Variants in NFATC1 observed in about 807,000 individuals in gnomAD.
NFATC1 encodes the protein nuclear factor of activated T cells 1, also known as nuclear factor of activated T-cells, cytoplasmic 1.
Under a neutral mutation model 76.0 loss-of-function variants are expected in NFATC1, and 22 were observed. The ratio of observed to expected loss-of-function variants is 0.29; its 90% confidence interval spans 0.21 to 0.41. The LOEUF (loss-of-function observed/expected upper bound fraction) is 0.41, where lower values mean the gene tolerates loss of function less well. NFATC1 is among the 10% of genes least tolerant of loss of function. The pLI is 1.00. For missense variants in NFATC1, 1,357 were observed against 1,337.7 expected, an observed-to-expected ratio of 1.01 and a Z score of -0.23; for synonymous variants, 704 against 613.1, an observed-to-expected ratio of 1.15 and a Z score of -2.19.
At chr18:79,438,799 C>T (rs1331430249) in intron 3 of NFATC1, among the ~76,000 whole-genome samples, 1 of 152,204 alleles carries the variant, frequency 6.6e-6, no homozygotes, top group Admixed American at 6.5e-5. Flanking sequence ...ACCCCAAGCT[C>T]AGGACGCAGG....
At chr18:79,496,345 T>C (rs916717836) in intron 9 of NFATC1, 3 of 152,300 alleles carry the variant, frequency 2.0e-5, no homozygotes, top group Non-Finnish European at 2.9e-5. Context: ...CGTGAAGCCA[T>C]GAGCGAGGTA....
chr18:79,447,124 A>G (rs3786194), intron 3 of NFATC1, among the ~76,000 whole-genome samples: 19,651 of 152,098 alleles, frequency 0.13, 1,451 homozygotes, highest in East Asian at 0.22. Flanking sequence ...GAGTTCAGCC[A>G]CCGGTGAGAT....
rs1002595653 is a variant in NFATC1 at position 79,416,077 on chromosome 18, A to T, written c.1226+4576A>T. On this transcript the variant is annotated intron_variant, in intron 2 of 9. Coordinates refer to ENST00000427363, the MANE Select transcript of NFATC1 (RefSeq NM_001278669.2). ...GACTCCGTCTCCAAACAAACAAAAAAACCCTGTTTATTTCAGACATTAAGT... is the reference window on the plus strand; with the variant it reads ...GACTCCGTCTCCAAACAAACAAAAATACCCTGTTTATTTCAGACATTAAGT... 8.4e-4 allele frequency among the ~76,000 whole-genome samples: 128 copies of T among 152,230 alleles called. 1 individual carries two copies. Among genetic ancestry groups the T allele is most frequent in the Middle Eastern group, 3.2e-3 (1 of 316 alleles).
chr18:79,516,008 T>TG (rs535711638), intron 9 of NFATC1: 32 of 150,942 alleles, frequency 2.1e-4, no homozygotes, highest in Admixed American at 1.5e-3. Flanking sequence ...GCCGTCTCGG[T>TG]GGGGGGCGGA....
At chr18:79,474,421 C>T (rs963686542) in intron 8 of NFATC1, among the ~76,000 whole-genome samples, 4 of 145,088 alleles carry the variant, frequency 2.8e-5, no homozygotes, top group Non-Finnish European at 6.0e-5. Flanking sequence ...CTCTCACTGT[C>T]AACTTTGCAA....
chr18:79,447,654 G>C (rs1488741067), intron 3 of NFATC1, among the ~76,000 whole-genome samples: 1 of 152,210 alleles, frequency 6.6e-6, no homozygotes, highest in Non-Finnish European at 1.5e-5. Flanking sequence ...GGGGCCCTGT[G>C]GGAGGCCCCA....
chr18:79,458,620 C>G (rs1338843588), intron 6 of NFATC1, among the ~76,000 whole-genome samples: 2 of 152,250 alleles, frequency 1.3e-5, no homozygotes. Context: ...ATTTTTACTC[C>G]TGCACTCGGG....
At chr18:79,461,087 C>T (rs1028065057) in intron 6 of NFATC1, among the ~76,000 whole-genome samples, 1 of 152,264 alleles carries the variant, frequency 6.6e-6, no homozygotes, top group Non-Finnish European at 1.5e-5. Flanking sequence ...TCCTCAGCTT[C>T]TCCAGGCTCC....
Position 79,451,761 on chromosome 18 carries a change from G to T in NFATC1, c.1848G>T (p.Leu616=), listed in dbSNP as rs2087483218. The T allele has an allele frequency of 1.2e-6, 2 of 1,613,334 alleles. No individual in the cohort carries two copies. Among genetic ancestry groups the T allele is most frequent in the African/African-American group, 2.7e-5 (2 of 74,922 alleles). ...YPVVGGKKMV[L]SGHNFLQDSK... ...TCGTGGGCGGGAAGAAGATGGTCCT[G>T]TCTGGCCACAACTTCCTGCAGGACT... is the stretch of plus-strand genomic sequence containing the variant. The change falls in exon 6 of 10, where the codon CTG becomes CTT. Residue 616 remains leucine, a synonymous_variant. Transcript: ENST00000427363.
intron 9 of NFATC1, among the ~76,000 whole-genome samples, chr18:79,508,547 C>T (rs1016422517): frequency 1.3e-5 from 2 of 152,216 alleles, no homozygotes; most frequent in East Asian, 1.9e-4. Flanking sequence ...AAAATGTGCT[C>T]GAAGGCTCAT....
chr18:79,469,535 C>G (rs934662235), intron 8 of NFATC1: 7 of 985,724 alleles, frequency 7.1e-6, no homozygotes, highest in African/African-American at 3.5e-5. Flanking sequence ...CCGTCCTGTC[C>G]TACCAGCCAC....
At chr18:79,456,954 G>A (rs1019559372) in intron 6 of NFATC1, among the ~76,000 whole-genome samples, 7 of 152,222 alleles carry the variant, frequency 4.6e-5, no homozygotes, top group East Asian at 1.9e-4. Flanking sequence ...TGCTGGCCCC[G>A]AAGGCAGCAT....
At chr18:79,399,969 T>TA (rs138345861) in intron 1 of NFATC1, among the ~76,000 whole-genome samples, 18,390 of 149,016 alleles carry the variant, frequency 0.12, 1,577 homozygotes, top group East Asian at 0.42. Context: ...AAAACTTCTT[T>TA]AAAAAAAAAA....
Position 79,433,699 on chromosome 18 carries a change from G to T in NFATC1, c.1347G>T (p.Gly449=). The part of the protein sequence containing the change: ...RAHYETEGSR[G]AVKASAGGHP... ...ACTACGAGACGGAGGGCAGCCGGGG[G>T]GCCGTGAAGGCGTCGGCCGGAGGAC... The change falls in exon 3 of 10, where the codon GGG becomes GGT. Residue 449 remains glycine, a synonymous_variant. Coordinates refer to ENST00000427363, the MANE Select transcript of NFATC1 (RefSeq NM_001278669.2). 2 of 1,613,200 alleles carry T rather than the reference G, an allele frequency of 1.2e-6. No individual in the cohort carries two copies. Among genetic ancestry groups the T allele is most frequent in the African/African-American group, 1.3e-5 (1 of 75,072 alleles).
Position 79,509,015 on chromosome 18 carries a change from G to A in NFATC1, c.2783-18513G>A, listed in dbSNP as rs572645415. Among the ~76,000 whole-genome samples, 3 of 152,154 alleles carry A rather than the reference G, an allele frequency of 2.0e-5. No homozygotes were observed. The South Asian group carries it at 6.2e-4, about 32-fold the overall frequency. On this transcript the variant is annotated intron_variant, in intron 9 of 9. Coordinates refer to ENST00000427363, the MANE Select transcript of NFATC1 (RefSeq NM_001278669.2). The stretch of plus-strand genomic sequence containing the variant: ...GACAGGGTTGTCGGTCTCCACTGCC[G>A]TGCCAGGTGTCTGTGCTTCTTGCAG...
intron 6 of NFATC1, among the ~76,000 whole-genome samples, chr18:79,460,700 A>C (rs995842704): frequency 2.0e-5 from 3 of 152,232 alleles, no homozygotes; most frequent in Non-Finnish European, 4.4e-5. Flanking sequence ...CTTTGCACAC[A>C]GGCAGGGCCA....
rs1601032984 is a variant in NFATC1, at chr18:79,527,922, A to G, written c.*345A>G. ...CCTTCTGGCACCCCTGGGGTTCAAT[A>G]CTGGAAGTGCCTTATTTAACCAGAC... On this transcript the variant is annotated 3_prime_UTR_variant, in exon 10 of 10. Transcript: ENST00000427363. 1.4e-5 allele frequency: 6 copies of G among 438,654 alleles called. No individual in the cohort carries two copies. The East Asian group carries it at 1.9e-4, about 14-fold the overall frequency. The allele number at this position is 438,654 out of a possible 1,614,324, so 27.2% of individuals were successfully genotyped here. A position where few individuals can be genotyped will look rare whatever the true frequency, so the allele number is the denominator to read the frequency against.
At chr18:79,455,924 G>A (rs1026476053) in intron 6 of NFATC1, among the ~76,000 whole-genome samples, 11 of 152,292 alleles carry the variant, frequency 7.2e-5, no homozygotes, top group African/African-American at 2.6e-4. Context: ...CAGGCGGAGG[G>A]CCTGCCTCCC....
chr18:79,512,006 C>T (rs1036176493), intron 9 of NFATC1, among the ~76,000 whole-genome samples: 2 of 152,204 alleles, frequency 1.3e-5, no homozygotes, highest in Middle Eastern at 3.4e-3. Flanking sequence ...TCCCAGGATG[C>T]GCAGGTGGCG....
Sources: gnomAD v4.1 joint callset for allele counts (sites outside exome capture counted in the v4.1 genomes callset) on GRCh38, gnomAD v4.1.1 for gene constraint, MANE v1.5 for transcripts, NCBI Gene and HGNC (gene_info 2026-07-23, HGNC 2026-07-21) for gene names.